Variants in CDON observed in about 807,000 individuals in gnomAD.
The protein encoded by CDON is cell adhesion molecule-related/down-regulated by oncogenes.
In CDON, 73 loss-of-function variants were observed where a neutral mutation model predicts 120.9. The ratio of observed to expected loss-of-function variants is 0.60; its 90% CI spans 0.50 to 0.73. CDON has a LOEUF of 0.73. Among genes scored for constraint, CDON ranks in the 30% least tolerant of loss-of-function variants. The pLI, the probability that CDON is intolerant of heterozygous loss-of-function variation, is 0.00. For missense variants in CDON, 1,470 were observed against 1,587.3 expected, an observed-to-expected ratio of 0.93 and a Z score of 1.26; for synonymous variants, 566 against 573.5, an observed-to-expected ratio of 0.99 and a Z score of 0.19.
At chr11:126,022,065 G>A (rs887329650) in intron 2 of CDON, among the ~76,000 whole-genome samples, 2 of 137,308 alleles carry the variant, frequency 1.5e-5, no homozygotes, top group Admixed American at 1.6e-4. Context: ...CTGCACCACT[G>A]CACTCCAGCC....
At chr11:126,060,851 A>T (rs1429380698) in intron 1 of CDON, among the ~76,000 whole-genome samples, 1 of 152,254 alleles carries the variant, frequency 6.6e-6, no homozygotes, top group Non-Finnish European at 1.5e-5. Context: ...ACCTGCAAAG[A>T]AAGCAAGGCG....
chr11:126,053,736 T>G (rs1565558876), intron 1 of CDON, among the ~76,000 whole-genome samples: 1 of 152,054 alleles, frequency 6.6e-6, no homozygotes, highest in Non-Finnish European at 1.5e-5. Flanking sequence ...AAACGAGGAT[T>G]CCCCATACCC....
chr11:125,993,042 C>T (rs1204325577), intron 14 of CDON, among the ~76,000 whole-genome samples: 2 of 152,180 alleles, frequency 1.3e-5, no homozygotes, highest in African/African-American at 4.8e-5. Context: ...GCTAGAAATG[C>T]TACGTCAGAA....
intron 1 of CDON, among the ~76,000 whole-genome samples, chr11:126,031,335 G>A (rs1947937994): frequency 6.6e-6 from 1 of 152,106 alleles, no homozygotes; most frequent in African/African-American, 2.4e-5. Flanking sequence ...TTGCAATAAT[G>A]GCTCTTAGAA....
chr11:126,040,887 C>T (rs775916097), intron 1 of CDON, among the ~76,000 whole-genome samples: 20 of 136,140 alleles, frequency 1.5e-4, no homozygotes, highest in Non-Finnish European at 2.2e-4. Context: ...CATGGTGCAG[C>T]GCTACAGTAA....
chr11:125,977,346 T>G (rs1445195741), intron 18 of CDON, among the ~76,000 whole-genome samples: 2 of 152,232 alleles, frequency 1.3e-5, no homozygotes, highest in Non-Finnish European at 2.9e-5. Flanking sequence ...GAACAACGTA[T>G]TTTTAATTTG....
At chr11:126,011,022 C>A in intron 7 of CDON, 1 of 407,464 alleles carries the variant, frequency 2.5e-6, no homozygotes, top group South Asian at 1.9e-5. Flanking sequence ...AAGGTTGAAA[C>A]CTCAGACCTT....
chr11:125,985,642 T>C (rs1429035691), intron 15 of CDON, among the ~76,000 whole-genome samples: 1 of 152,226 alleles, frequency 6.6e-6, no homozygotes, highest in East Asian at 1.9e-4. Flanking sequence ...GAATCTCCTG[T>C]TATGGTGCCA....
intron 18 of CDON, among the ~76,000 whole-genome samples, chr11:125,973,907 T>G (rs958497236): frequency 1.3e-5 from 2 of 152,110 alleles, no homozygotes; most frequent in Non-Finnish European, 2.9e-5. Context: ...ATTTTTTTTT[T>G]CTTTTGAGAC....
At chr11:126,026,940 CAG>C (rs1365613564) in intron 1 of CDON, among the ~76,000 whole-genome samples, 2 of 152,352 alleles carry the variant, frequency 1.3e-5, no homozygotes, top group East Asian at 3.9e-4. Flanking sequence ...AAACAAATTT[CAG>C]AGTCAACTTT....
intron 12 of CDON, 50 bp from the exon 13 acceptor site, chr11:125,995,102 A>C: frequency 6.6e-7 from 1 of 1,510,570 alleles, no homozygotes; most frequent in Non-Finnish European, 9.2e-7. Flanking sequence ...AAACATAACT[A>C]AGAAAAGCTA....
At chr11:125,963,495 A>G (rs1945706730) in intron 18 of CDON, among the ~76,000 whole-genome samples, 1 of 152,208 alleles carries the variant, frequency 6.6e-6, no homozygotes, top group Non-Finnish European at 1.5e-5. Context: ...TTTCTGGGGC[A>G]AAGAAAAATC....
At chr11:126,051,053 A>C (rs1948547009) in intron 1 of CDON, among the ~76,000 whole-genome samples, 1 of 152,154 alleles carries the variant, frequency 6.6e-6, no homozygotes, top group African/African-American at 2.4e-5. Flanking sequence ...TTTCAACATG[A>C]AGGAAAAAAA....
Position 125,962,006 on chromosome 11 carries a change from G to T in CDON, c.3357-8C>A. ...TTGGTTTTGGTGAAACACCTGCAGA[G>T]GTTAAACCAAAAGAAACAGAATTGT... On this transcript the variant is annotated splice_polypyrimidine_tract_variant and splice_region_variant and intron_variant, in intron 18 of 19. Coordinates refer to ENST00000531738, the MANE Select transcript of CDON (RefSeq NM_001378964.1). 6.2e-7 allele frequency: 1 copy of T among 1,609,708 alleles called. No homozygotes were observed.
In CDON at chr11:126,037,565, AAC is replaced by A. The variant is rs146575170; in HGVS notation, c.-61-14030_-61-14029del. On this transcript the variant is annotated intron_variant, in intron 1 of 19. Coordinates refer to ENST00000531738, the MANE Select transcript of CDON (RefSeq NM_001378964.1). ...GGTGGGGGATAAAGCAGAATAAAATAACAGAGACCTTGACCTCATTTCTTAAA... is the reference window on the plus strand; with the variant it reads ...GGTGGGGGATAAAGCAGAATAAAATAAGAGACCTTGACCTCATTTCTTAAA... Among the ~76,000 whole-genome samples the A allele has an allele frequency of 9.6e-3, 1,461 of 152,314 alleles. 26 individuals carry two copies. The highest frequency in any genetic ancestry group is 0.034 in the African/African-American group (1,398 of 41,568).
intron 1 of CDON, among the ~76,000 whole-genome samples, chr11:126,031,977 T>C (rs1487796671): frequency 6.6e-6 from 1 of 152,206 alleles, no homozygotes; most frequent in African/African-American, 2.4e-5. Flanking sequence ...TCTCTACAAA[T>C]GTGCTTTCAC....
At chr11:126,036,407 GA>G (rs1156556358) in intron 1 of CDON, among the ~76,000 whole-genome samples, 2 of 152,134 alleles carry the variant, frequency 1.3e-5, no homozygotes, top group African/African-American at 4.8e-5. Flanking sequence ...GGCACAACAA[GA>G]GTAACAAGAG....
At chr11:126,015,919 T>C (rs1947454408) in intron 6 of CDON, among the ~76,000 whole-genome samples, 2 of 152,240 alleles carry the variant, frequency 1.3e-5, no homozygotes, top group African/African-American at 4.8e-5. Context: ...GGTTAAATTA[T>C]GTTTACGGTC....
intron 11 of CDON, among the ~76,000 whole-genome samples, chr11:125,998,887 A>C (rs1285684679): frequency 1.3e-5 from 2 of 152,200 alleles, no homozygotes; most frequent in African/African-American, 4.8e-5. Flanking sequence ...TGGTGACGCT[A>C]GTTACTTTGA....
Sources: allele counts gnomAD v4.1 joint callset (sites outside exome capture counted in the v4.1 genomes callset), GRCh38; gene constraint gnomAD v4.1.1; transcripts MANE v1.5; gene names NCBI Gene and HGNC (gene_info 2026-07-23, HGNC 2026-07-21).